NCBP3: variants seen among roughly 807,000 people sequenced by gnomAD.
NCBP3 encodes nuclear cap-binding protein subunit 3.
A neutral mutation model predicts 75.7 loss-of-function variants in NCBP3; 20 were observed. That is an observed-to-expected ratio of 0.26 (90% CI 0.19 to 0.38). NCBP3 has a LOEUF of 0.38. Ranked by LOEUF, NCBP3 falls within the 10% of genes least tolerant of loss-of-function variation. NCBP3 has a pLI of 1.00. For missense variants in NCBP3, 678 were observed against 796.9 expected, an observed-to-expected ratio of 0.85 and a Z score of 1.80; for synonymous variants, 293 against 290.5, an observed-to-expected ratio of 1.01 and a Z score of -0.09.
chr17:3,826,263 G>A (rs1166074212), intron 4 of NCBP3, 48 bp from the exon 5 acceptor site: 2 of 1,492,870 alleles, frequency 1.3e-6, no homozygotes, highest in Admixed American at 2.3e-5. Context: ...GAAATGGTAA[G>A]CTTCTTGAGA....
At chr17:3,842,467 G>A (rs911961220) in intron 2 of NCBP3, among the ~76,000 whole-genome samples, 12 of 152,090 alleles carry the variant, frequency 7.9e-5, no homozygotes, top group African/African-American at 2.4e-4. Context: ...TTCATGTTTT[G>A]TTTCATTTCA....
chr17:3,818,761 T>A lies in NCBP3; in HGVS notation c.1001-189A>T, dbSNP rs1043453361. Among the ~76,000 whole-genome samples, 7 of 152,216 alleles carry A rather than the reference T, an allele frequency of 4.6e-5. No homozygotes were observed. Among genetic ancestry groups the A allele is most frequent in the Admixed American group, 1.3e-4 (2 of 15,278 alleles). ...AACAGGAGGATGGCTAGGTAAAGTA[T>A]GATGCAGCAGCCTAACCAAATACCA... On this transcript the variant is annotated intron_variant, in intron 9 of 12. Coordinates refer to ENST00000389005, the MANE Select transcript of NCBP3 (RefSeq NM_001114118.3). This position sits in a 1 kb window ranked among gnomAD's most constrained non-coding sequence, Gnocchi z 4.7.
In NCBP3 at chr17:3,826,141, T is replaced by G. The variant is rs746580625; in HGVS notation, c.556A>C (p.Lys186Gln). Residue 186 changes from lysine to glutamine, a missense_variant, in exon 5 of 13, where the codon AAG becomes CAG. Physicochemically the swap from Lys to Gln is moderately conservative, Grantham distance 53 (BLOSUM62 1). Coordinates refer to ENST00000389005, the MANE Select transcript of NCBP3 (RefSeq NM_001114118.3). Reference protein sequence around the residue: ...INMSSLPAQDKIRSRDASEDK... With the variant: ...INMSSLPAQDQIRSRDASEDK... Reference sequence around the variant, plus strand: ...TCACTGGCATCCCTGCTTCTGATCTTATCCTGTGCAGGCAGGGAGCTCATA... The same window carrying G: ...TCACTGGCATCCCTGCTTCTGATCTGATCCTGTGCAGGCAGGGAGCTCATA... 1 of 1,551,710 alleles carries G rather than the reference T, an allele frequency of 6.4e-7. No homozygotes were observed. The highest frequency in any genetic ancestry group is 8.7e-7 in the Non-Finnish European group (1 of 1,146,958).
Position 3,810,717 on chromosome 17 carries a change from C to G in NCBP3, c.*2327G>C, listed in dbSNP as rs2053396497. On this transcript the variant is annotated 3_prime_UTR_variant, in exon 13 of 13. Transcript: ENST00000389005. Reference sequence around the variant, plus strand: ...AGTAAAAATCTTTAAAGCTGCCTTTCTGGGTTCTCTCTGTGTGTCTGTGAA... The same window carrying G: ...AGTAAAAATCTTTAAAGCTGCCTTTGTGGGTTCTCTCTGTGTGTCTGTGAA... 6.6e-6 allele frequency: 1 copy of G among 152,168 alleles called. No homozygotes were observed. Among genetic ancestry groups the G allele is most frequent in the Non-Finnish European group, 1.5e-5 (1 of 68,038 alleles). The allele number at this position is 152,168 out of a possible 1,614,324, so 9.4% of individuals were successfully genotyped here.
intron 3 of NCBP3, 57 bp from the exon 4 acceptor site, chr17:3,829,425 C>T: frequency 6.5e-7 from 1 of 1,528,646 alleles, no homozygotes; most frequent in African/African-American, 1.4e-5. Context: ...AACTGCACAT[C>T]CCATCCACAC....
chr17:3,834,546 C>T (rs913009031), intron 3 of NCBP3, among the ~76,000 whole-genome samples: 27 of 152,272 alleles, frequency 1.8e-4, no homozygotes, highest in Admixed American at 1.3e-3. Context: ...AAGGCCGAGG[C>T]GGGCAGATCA....
chr17:3,828,220 A>G (rs991588074), intron 4 of NCBP3, among the ~76,000 whole-genome samples: 3 of 152,164 alleles, frequency 2.0e-5, no homozygotes, highest in Admixed American at 2.0e-4. Context: ...TGCCTGGCCT[A>G]CCGCCTGTTT....
Position 3,813,271 on chromosome 17 carries a change from A to G in NCBP3, c.1636T>C (p.Trp546Arg), listed in dbSNP as rs1160816140. The change falls in exon 13 of 13, where the codon TGG becomes CGG. Residue 546 changes from tryptophan (W) to arginine (R), a missense_variant. Transcript: ENST00000389005. ...DTREKKSGNLWTRLGSAPKTK... is the reference protein window; with the variant it reads ...DTREKKSGNLRTRLGSAPKTK... ...TTGGGTGCAGATCCTAGGCGAGTCCATAAATTACCTGTTTGGATGAGATGG... is the reference window on the plus strand; with the variant it reads ...TTGGGTGCAGATCCTAGGCGAGTCCGTAAATTACCTGTTTGGATGAGATGG... The G allele has an allele frequency of 6.2e-7, 1 of 1,613,998 alleles. No homozygotes were observed. Among genetic ancestry groups the G allele is most frequent in the South Asian group, 1.1e-5 (1 of 91,082 alleles).
At position 3,846,133 on chromosome 17, in the gene NCBP3, C is replaced by T. The variant is rs1317476813; in HGVS notation, c.91G>A (p.Gly31Ser). 6.5e-7 allele frequency: 1 copy of T among 1,543,738 alleles called. No homozygotes were observed. Among genetic ancestry groups the T allele is most frequent in the Non-Finnish European group, 8.7e-7 (1 of 1,143,862 alleles). ...LGLPSPEAES[G>S]VDRGEPEPME... is the part of the protein sequence containing the mutation. ...GGCTCCGGCTCGCCACGGTCAACAC[C>T]GGACTCCGCCTCAGGGGACGGGAGC... Residue 31 changes from glycine (G) to serine (S), a missense_variant, in exon 1 of 13, where the codon GGT becomes AGT. Coordinates refer to ENST00000389005, the MANE Select transcript of NCBP3 (RefSeq NM_001114118.3). The surrounding 1 kb of genome is among the most constrained non-coding windows in gnomAD (Gnocchi z 4.6).
chr17:3,834,599 A>G (rs1239837642), intron 3 of NCBP3, among the ~76,000 whole-genome samples: 1 of 152,140 alleles, frequency 6.6e-6, no homozygotes, highest in African/African-American at 2.4e-5. Flanking sequence ...AACATGGAGA[A>G]ACCTCATCTC....
At chr17:3,827,469 G>A (rs1399654204) in intron 4 of NCBP3, among the ~76,000 whole-genome samples, 1 of 152,222 alleles carries the variant, frequency 6.6e-6, no homozygotes, top group African/African-American at 2.4e-5. Context: ...AGGCATGACA[G>A]CCAGTTGGCT....
In NCBP3 at chr17:3,806,871, CTTCT is replaced by C. The variant is rs1567574255; in HGVS notation, c.*6169_*6172del. On this transcript the variant is annotated 3_prime_UTR_variant, in exon 13 of 13. Coordinates refer to ENST00000389005, the MANE Select transcript of NCBP3 (RefSeq NM_001114118.3). Reference sequence around the variant, plus strand: ...CGATTCTCAGTATCAAAAGCATTCTCTTCTTTCAGTTCGTAAAAGAAAAACATGG... The same window carrying C: ...CGATTCTCAGTATCAAAAGCATTCTCTTCAGTTCGTAAAAGAAAAACATGG... The C allele has an allele frequency of 1.3e-5, 2 of 152,194 alleles. No homozygotes were observed. The highest frequency in any genetic ancestry group is 2.1e-4 in the South Asian group (1 of 4,832). 9.4% of individuals were successfully genotyped at this position (152,194 alleles called of 1,614,324 possible).
At chr17:3,813,310 C>T in intron 12 of NCBP3, 31 bp from the exon 13 acceptor site, 4 of 1,611,176 alleles carry the variant, frequency 2.5e-6, no homozygotes, top group Non-Finnish European at 3.4e-6. Context: ...TTCACTTTCG[C>T]AGTCAGCGCT....
At chr17:3,826,843 C>T (rs560596784) in intron 4 of NCBP3, among the ~76,000 whole-genome samples, 1 of 151,988 alleles carries the variant, frequency 6.6e-6, no homozygotes, top group Non-Finnish European at 1.5e-5. Context: ...GAAACCCCGT[C>T]TCTACTAAAA....
At chr17:3,834,446 A>G (rs1036582678) in intron 3 of NCBP3, among the ~76,000 whole-genome samples, 5 of 152,230 alleles carry the variant, frequency 3.3e-5, no homozygotes, top group African/African-American at 1.2e-4. Flanking sequence ...CTAATGAAGA[A>G]AAGATTAGAG....
At chr17:3,827,476 G>A (rs1187173069) in intron 4 of NCBP3, among the ~76,000 whole-genome samples, 2 of 152,190 alleles carry the variant, frequency 1.3e-5, no homozygotes, top group Admixed American at 1.3e-4. Context: ...ACAGCCAGTT[G>A]GCTTTGTAGC....
intron 1 of NCBP3, among the ~76,000 whole-genome samples, chr17:3,845,336 G>A (rs1419710375): frequency 6.6e-6 from 1 of 152,178 alleles, no homozygotes; most frequent in Non-Finnish European, 1.5e-5. Context: ...ATCCAGGCCT[G>A]AAACCAGCTC....
At chr17:3,839,166 ACAAT>A (rs1453577090) in intron 3 of NCBP3, among the ~76,000 whole-genome samples, 1 of 152,212 alleles carries the variant, frequency 6.6e-6, no homozygotes, top group Non-Finnish European at 1.5e-5. Context: ...ATTACTATAT[ACAAT>A]AATTCGGGGT....
At chr17:3,823,879 T>C (rs931247345) in intron 7 of NCBP3, 1 of 152,202 alleles carries the variant, frequency 6.6e-6, no homozygotes, top group African/African-American at 2.4e-5. Flanking sequence ...GGAAATGACA[T>C]GACATCGCTT....
Sources: allele counts gnomAD v4.1 joint callset (sites outside exome capture counted in the v4.1 genomes callset), GRCh38; gene constraint gnomAD v4.1.1; non-coding constraint Gnocchi (gnomAD v3.1); transcripts MANE v1.5; gene names NCBI Gene and HGNC (gene_info 2026-07-23, HGNC 2026-07-21).